Variants in ATP6V1C2 observed in about 807,000 individuals in gnomAD.
The protein encoded by ATP6V1C2 is V-type proton ATPase subunit C 2.
Under a neutral mutation model 56.8 loss-of-function variants are expected in ATP6V1C2, and 45 were observed. That is an observed-to-expected ratio of 0.79 (90% CI 0.62 to 1.02). ATP6V1C2 has a LOEUF of 1.02. Ranked by LOEUF, ATP6V1C2 falls within the 50% of genes least tolerant of loss-of-function variation. The pLI, the probability that ATP6V1C2 is intolerant of heterozygous loss-of-function variation, is 0.00. For synonymous variants in ATP6V1C2, 220 were observed against 201.3 expected (o/e 1.09, Z -0.79); for missense variants, 463 against 519.7 (o/e 0.89, Z 1.06).
At chr2:10,739,460 G>A (rs1662430066) in intron 3 of ATP6V1C2, among the ~76,000 whole-genome samples, 1 of 151,888 alleles carries the variant, frequency 6.6e-6, no homozygotes, top group South Asian at 2.1e-4. Context: ...CTGACTAGCT[G>A]GTCAGGCCCC....
At chr2:10,757,358 C>A in intron 4 of ATP6V1C2, 1 of 398,280 alleles carries the variant, frequency 2.5e-6, no homozygotes, top group South Asian at 1.3e-4. Flanking sequence ...TGGAAATGTT[C>A]CTACCCCACC....
intron 5 of ATP6V1C2, among the ~76,000 whole-genome samples, chr2:10,765,862 G>T (rs1297570771): frequency 6.6e-6 from 1 of 152,190 alleles, no homozygotes; most frequent in East Asian, 1.9e-4. Flanking sequence ...CATGGAGGGA[G>T]CAGAGGGGCT....
At chr2:10,747,973 G>A (rs961897395) in intron 3 of ATP6V1C2, among the ~76,000 whole-genome samples, 5 of 151,970 alleles carry the variant, frequency 3.3e-5, no homozygotes, top group Non-Finnish European at 7.4e-5. Flanking sequence ...CAATTTTCCT[G>A]CCTCAGCCTC....
intron 3 of ATP6V1C2, among the ~76,000 whole-genome samples, chr2:10,730,991 C>T (rs143133259): frequency 6.0e-5 from 9 of 150,612 alleles, no homozygotes; most frequent in African/African-American, 2.0e-4. Flanking sequence ...CTTGCTCTGT[C>T]GCCAGCCTGG....
chr2:10,721,480 C>G (rs112145761), upstream of ATP6V1C2, among the ~76,000 whole-genome samples: 1 of 152,250 alleles, frequency 6.6e-6, no homozygotes, highest in East Asian at 1.9e-4. Context: ...CTCCTCCGCG[C>G]CTTCCTGCCC....
chr2:10,773,775 C>G (rs1386635046), intron 8 of ATP6V1C2, among the ~76,000 whole-genome samples: 1 of 152,224 alleles, frequency 6.6e-6, no homozygotes, highest in Non-Finnish European at 1.5e-5. Flanking sequence ...CCAGCCTGTT[C>G]ATCTGACTCC....
intron 7 of ATP6V1C2, 47 bp from the exon 8 acceptor site, chr2:10,772,495 C>T (rs760624167): frequency 1.4e-4 from 215 of 1,528,700 alleles, no homozygotes; most frequent in Non-Finnish European, 1.9e-4. Context: ...AGGACACCCA[C>T]GAGCCTTTTC....
intron 12 of ATP6V1C2, 120 bp from the exon 13 acceptor site, chr2:10,782,123 T>C: frequency 8.1e-7 from 1 of 1,232,046 alleles, no homozygotes; most frequent in South Asian, 1.5e-5. Flanking sequence ...CGAGTTTGAC[T>C]TTATGAAGCT....
upstream of ATP6V1C2, chr2:10,720,979 C>T (rs1661328400): frequency 6.6e-6 from 1 of 152,306 alleles, no homozygotes; most frequent in Non-Finnish European, 1.5e-5. Flanking sequence ...ATCATGAACT[C>T]ATCTCTGATC....
At chr2:10,733,107 G>C (rs575826446) in intron 3 of ATP6V1C2, among the ~76,000 whole-genome samples, 8 of 152,302 alleles carry the variant, frequency 5.3e-5, no homozygotes, top group Admixed American at 3.3e-4. Flanking sequence ...AAAAATCACT[G>C]TGCATTGTTT....
chr2:10,733,856 CTATGGAATA>C (rs1303272013), intron 3 of ATP6V1C2, among the ~76,000 whole-genome samples: 1 of 152,094 alleles, frequency 6.6e-6, no homozygotes, highest in African/African-American at 2.4e-5. Context: ...CTTCCCCTGT[CTATGGAATA>C]GCTGCTGGCT....
chr2:10,763,948 A>G lies in ATP6V1C2; in HGVS notation c.284-383A>G, dbSNP rs1397719663. On this transcript the variant is annotated intron_variant, in intron 4 of 13. Coordinates refer to ENST00000272238, the MANE Select transcript of ATP6V1C2 (RefSeq NM_001039362.2). This position sits in a 1 kb window ranked among gnomAD's most constrained non-coding sequence, Gnocchi z 4.2. ...GGGTTTTGGGGAAAGAAAAGAAAAA[A>G]AGGAAATGCTTGAAAACACTGGTGT... 6.6e-6 allele frequency among the ~76,000 whole-genome samples: 1 copy of G among 152,218 alleles called. No homozygotes were observed. The highest frequency in any genetic ancestry group is 1.5e-5 in the Non-Finnish European group (1 of 68,042).
At chr2:10,748,776 T>G (rs1273353309) in intron 3 of ATP6V1C2, among the ~76,000 whole-genome samples, 1 of 151,954 alleles carries the variant, frequency 6.6e-6, no homozygotes, top group East Asian at 1.9e-4. Flanking sequence ...GCTCTCTGAG[T>G]CTTAATTTTT....
At chr2:10,779,687 GAAA>G (rs555256673) in intron 12 of ATP6V1C2, among the ~76,000 whole-genome samples, 5 of 52,098 alleles carry the variant, frequency 9.6e-5, no homozygotes, top group Non-Finnish European at 1.5e-4. Context: ...TCCGGCTATA[GAAA>G]AAAAAAAAAA....
chr2:10,776,425 C>G (rs1037869846), intron 10 of ATP6V1C2, among the ~76,000 whole-genome samples: 12 of 152,144 alleles, frequency 7.9e-5, no homozygotes, highest in African/African-American at 2.9e-4. Flanking sequence ...CGAGCTGGAG[C>G]TGGGGACCCC....
chr2:10,778,340 G>C (rs373309311), intron 11 of ATP6V1C2: 1 of 550,996 alleles, frequency 1.8e-6, no homozygotes, highest in African/African-American at 1.9e-5. Flanking sequence ...GCGGTCTGTG[G>C]TGGCCCCGTG....
At position 10,782,295 on chromosome 2, in the gene ATP6V1C2, T is replaced by G; in HGVS notation, c.1114T>G (p.Ser372Ala). ...QAVLLQPHKK[S>A]STKRLREVLN... The stretch of plus-strand genomic sequence containing the variant: ...AGTGCTCCTGCAGCCGCATAAGAAG[T>G]CATCCACCAAGCGTTTAAGAGAGGT... The change falls in exon 13 of 14, where the codon TCA becomes GCA. Residue 372 changes from serine (S) to alanine (A), a missense_variant. By Grantham distance (99) the Ser-to-Ala change is moderately conservative. Transcript: ENST00000272238. 1.2e-6 allele frequency: 2 copies of G among 1,614,188 alleles called. No homozygotes were observed. The highest frequency in any genetic ancestry group is 2.2e-5 in the South Asian group (2 of 91,074).
intron 3 of ATP6V1C2, among the ~76,000 whole-genome samples, chr2:10,732,033 T>C (rs189510427): frequency 6.6e-6 from 1 of 152,190 alleles, no homozygotes; most frequent in Non-Finnish European, 1.5e-5. Flanking sequence ...GCTGCAGAAA[T>C]GGTAGCAATT....
intron 3 of ATP6V1C2, among the ~76,000 whole-genome samples, chr2:10,750,638 C>A (rs1468503207): frequency 6.6e-6 from 1 of 151,962 alleles, no homozygotes; most frequent in African/African-American, 2.4e-5. Context: ...AGGACAGAAA[C>A]AAGTAGGGGT....
Sources: allele counts gnomAD v4.1 joint callset (sites outside exome capture counted in the v4.1 genomes callset), GRCh38; gene constraint gnomAD v4.1.1; non-coding constraint Gnocchi (gnomAD v3.1); transcripts MANE v1.5; gene names NCBI Gene and HGNC (gene_info 2026-07-23, HGNC 2026-07-21).